The following SHISAL2B variants were observed in gnomAD, a reference collection of about 807,000 sequenced individuals.
SHISAL2B encodes the protein shisa like 2B.
SHISAL2B carries 12 observed loss-of-function variants against 16.5 expected under a neutral mutation model. The ratio of observed to expected loss-of-function variants is 0.73; its 90% CI spans 0.47 to 1.18. The LOEUF is 1.18. Ranked by LOEUF, SHISAL2B falls within the 50% of genes most tolerant of loss-of-function variation. The pLI, the probability that SHISAL2B is intolerant of heterozygous loss-of-function variation, is 0.00. For missense variants in SHISAL2B, 183 were observed against 193.6 expected (o/e 0.95, Z 0.33); for synonymous variants, 72 against 75.0 (o/e 0.96, Z 0.21).
At chr5:64,698,247 T>G (rs985498252) in intron 2 of SHISAL2B, among the ~76,000 whole-genome samples, 1 of 152,264 alleles carries the variant, frequency 6.6e-6, no homozygotes, top group Admixed American at 6.5e-5. Flanking sequence ...GCTTCTGTCC[T>G]TGTTCCCCTG....
At chr5:64,694,981 C>T (rs917762878) in intron 1 of SHISAL2B, among the ~76,000 whole-genome samples, 2 of 151,970 alleles carry the variant, frequency 1.3e-5, no homozygotes, top group Non-Finnish European at 2.9e-5. Flanking sequence ...AACGTACAGG[C>T]CGGCCGGGAG....
intron 1 of SHISAL2B, among the ~76,000 whole-genome samples, chr5:64,692,203 G>A (rs918241723): frequency 6.6e-6 from 1 of 152,166 alleles, no homozygotes; most frequent in South Asian, 2.1e-4. Context: ...CATTGGAGGC[G>A]TTACTAATGG....
chr5:64,693,253 C>T lies in SHISAL2B; in HGVS notation c.192-2254C>T, dbSNP rs571027069. Among the ~76,000 whole-genome samples the T allele has an allele frequency of 3.6e-3, 547 of 152,186 alleles. 2 individuals are homozygous for T. Among genetic ancestry groups the T allele is most frequent in the Middle Eastern group, 0.017 (5 of 294 alleles). Reference sequence around the variant, plus strand: ...CAATCTCCTGACCTCGTGATTCGCCCGCCTCAGCCTCCCAAAGTGCTAGGA... The same window carrying T: ...CAATCTCCTGACCTCGTGATTCGCCTGCCTCAGCCTCCCAAAGTGCTAGGA... On this transcript the variant is annotated intron_variant, in intron 1 of 2. Coordinates refer to ENST00000389074, the MANE Select transcript of SHISAL2B (RefSeq NM_001164442.2).
chr5:64,712,815 A>C (rs1424097643), intron 2 of SHISAL2B, among the ~76,000 whole-genome samples: 1 of 150,634 alleles, frequency 6.6e-6, no homozygotes, highest in Non-Finnish European at 1.5e-5. Flanking sequence ...GTCTCTTTTG[A>C]TCTTTGTTGG....
intron 2 of SHISAL2B, among the ~76,000 whole-genome samples, chr5:64,700,488 G>T (rs1741794069): frequency 6.6e-6 from 1 of 152,134 alleles, no homozygotes; most frequent in African/African-American, 2.4e-5. Flanking sequence ...TTGGCTCACT[G>T]CAACCTCTGC....
At chr5:64,695,975 TG>T (rs1260244111) in intron 2 of SHISAL2B, among the ~76,000 whole-genome samples, 2 of 152,242 alleles carry the variant, frequency 1.3e-5, no homozygotes, top group Non-Finnish European at 2.9e-5. Context: ...TTTAAAATTT[TG>T]ATTTTGGATG....
chr5:64,698,652 A>T (rs1741769965), intron 2 of SHISAL2B, among the ~76,000 whole-genome samples: 1 of 152,142 alleles, frequency 6.6e-6, no homozygotes, highest in Admixed American at 6.5e-5. Flanking sequence ...TCCTGCTTTG[A>T]ATTTATCTTA....
chr5:64,690,783 C>T lies in SHISAL2B; in HGVS notation c.160C>T (p.Pro54Ser), dbSNP rs1244649421. ...CTGCAGCGAGCCGGGCAGCTACTTC[C>T]CCTACAAGCACAGCTACATGTGGAG... ...YCCSEPGSYFPYKHSYMWSLS... is the reference protein window; with the variant it reads ...YCCSEPGSYFSYKHSYMWSLS... Residue 54 changes from proline to serine, a missense_variant, in exon 1 of 3, where the codon CCC becomes TCC. Transcript: ENST00000389074. 7.1e-6 allele frequency: 11 copies of T among 1,545,112 alleles called. No homozygotes were observed. The highest frequency in any genetic ancestry group is 3.8e-5 in the Admixed American group (2 of 52,168).
chr5:64,709,306 C>G (rs1406304308), intron 2 of SHISAL2B, among the ~76,000 whole-genome samples: 9 of 150,778 alleles, frequency 6.0e-5, no homozygotes, highest in Non-Finnish European at 1.0e-4. Context: ...TTTGTTCTTG[C>G]GATAGTTTAC....
intron 2 of SHISAL2B, among the ~76,000 whole-genome samples, chr5:64,704,690 G>A (rs1741852416): frequency 6.6e-6 from 1 of 151,928 alleles, no homozygotes; most frequent in Non-Finnish European, 1.5e-5. Flanking sequence ...TTGAATCCAT[G>A]TTGTTACCTG....
chr5:64,706,475 A>C (rs942675111), intron 2 of SHISAL2B, among the ~76,000 whole-genome samples: 1 of 152,234 alleles, frequency 6.6e-6, no homozygotes, highest in African/African-American at 2.4e-5. Flanking sequence ...TTGAAGTCCC[A>C]AGATTTATTT....
intron 2 of SHISAL2B, among the ~76,000 whole-genome samples, chr5:64,709,801 T>A (rs1316673384): frequency 6.6e-6 from 1 of 152,130 alleles, no homozygotes; most frequent in African/African-American, 2.4e-5. Flanking sequence ...ATGATGAGCA[T>A]TTTTTTCATG....
At chr5:64,693,694 A>G (rs1475912439) in intron 1 of SHISAL2B, among the ~76,000 whole-genome samples, 1 of 152,212 alleles carries the variant, frequency 6.6e-6, no homozygotes, top group Admixed American at 6.5e-5. Flanking sequence ...TAAAATGCAC[A>G]AAAGTTAGGT....
intron 2 of SHISAL2B, among the ~76,000 whole-genome samples, chr5:64,715,069 G>T (rs1341941499): frequency 6.6e-6 from 1 of 152,028 alleles, no homozygotes; most frequent in Admixed American, 6.6e-5. Context: ...TCCCCCCACC[G>T]ACATCTTTCA....
chr5:64,699,082 GT>G (rs1355387266), intron 2 of SHISAL2B, among the ~76,000 whole-genome samples: 1 of 152,222 alleles, frequency 6.6e-6, no homozygotes, highest in Non-Finnish European at 1.5e-5. Flanking sequence ...TCACTATTGA[GT>G]GAAGGAGGTC....
intron 1 of SHISAL2B, among the ~76,000 whole-genome samples, chr5:64,693,760 G>T (rs1227885936): frequency 6.6e-6 from 1 of 152,166 alleles, no homozygotes; most frequent in Non-Finnish European, 1.5e-5. Context: ...CTACCTTTTA[G>T]ATGAGAGCAA....
chr5:64,712,164 T>C (rs1741968311), intron 2 of SHISAL2B, among the ~76,000 whole-genome samples: 1 of 143,148 alleles, frequency 7.0e-6, no homozygotes, highest in Non-Finnish European at 1.5e-5. Flanking sequence ...CTGCTTTCTC[T>C]TGTGGGCATT....
At chr5:64,702,029 T>A (rs1239233254) in intron 2 of SHISAL2B, among the ~76,000 whole-genome samples, 6 of 152,192 alleles carry the variant, frequency 3.9e-5, no homozygotes. Context: ...AAGTTTCTTT[T>A]TTTGTGGTTT....
At chr5:64,706,931 T>C (rs1201877599) in intron 2 of SHISAL2B, among the ~76,000 whole-genome samples, 1 of 152,114 alleles carries the variant, frequency 6.6e-6, no homozygotes, top group Admixed American at 6.6e-5. Context: ...AAACATTATT[T>C]TGGAGACTTG....
Sources: gnomAD v4.1 joint callset for allele counts (sites outside exome capture counted in the v4.1 genomes callset) on GRCh38, gnomAD v4.1.1 for gene constraint, MANE v1.5 for transcripts, NCBI Gene and HGNC (gene_info 2026-07-23, HGNC 2026-07-21) for gene names.